The following SGSH variants were observed in gnomAD, a reference collection of about 807,000 sequenced individuals.
SGSH encodes N-sulfoglucosamine sulfohydrolase, also known as heparan sulfate sulfatase.
In SGSH, 48 loss-of-function variants were observed where a neutral mutation model predicts 51.0. The observed-to-expected ratio is 0.94, with a 90% confidence interval of 0.75 to 1.20. The LOEUF (loss-of-function observed/expected upper bound fraction) is 1.20, where lower values mean the gene tolerates loss of function less well. Ranked by LOEUF, SGSH falls within the 50% of genes most tolerant of loss-of-function variation. The pLI, the probability that SGSH is intolerant of heterozygous loss-of-function variation, is 0.00. For synonymous variants in SGSH, 321 were observed against 313.4 expected (o/e 1.02, Z -0.26); for missense variants, 662 against 717.8 (o/e 0.92, Z 0.89).
Position 80,212,837 on chromosome 17 carries a change from T to C in SGSH, c.746-563A>G, listed in dbSNP as rs1157083436. The C allele has an allele frequency of 1.6e-5, 3 of 189,616 alleles. No individual in the cohort carries two copies. Among genetic ancestry groups the C allele is most frequent in the African/African-American group, 7.1e-5 (3 of 42,458 alleles). 11.7% of individuals were successfully genotyped at this position (189,616 alleles called of 1,614,324 possible). On this transcript the variant is annotated intron_variant, in intron 6 of 7. Transcript: ENST00000326317. The surrounding 1 kb of genome is among the most constrained non-coding windows in gnomAD (Gnocchi z 5.9). The stretch of plus-strand genomic sequence containing the variant: ...AAGGGGAACTTCACGAATAAAGATC[T>C]TGGGACAAAATCATCCTGAAGTGCT...
chr17:80,200,816 G>A, the SGSH span: 26 of 154,942 alleles, frequency 1.7e-4, no homozygotes, highest in East Asian at 4.1e-3. Flanking sequence ...GATGGGAGAC[G>A]GTAACAGATC....
Position 80,209,518 on chromosome 17 carries a change from C to T in SGSH, c.*934G>A, listed in dbSNP as rs774032554. ...CAGGAACGGCACATTCTCCCAGCAA[C>T]GCCGACGTCATCCAAGAATTAACCC... On this transcript the variant is annotated 3_prime_UTR_variant, in exon 8 of 8. Coordinates refer to ENST00000326317, the MANE Select transcript of SGSH (RefSeq NM_000199.5). 104 of 985,368 alleles carry T rather than the reference C, an allele frequency of 1.1e-4. No homozygotes were observed. The highest frequency in any genetic ancestry group is 4.3e-4 in the Admixed American group (7 of 16,264). 61.0% of individuals were successfully genotyped at this position (985,368 alleles called of 1,614,324 possible).
Position 80,209,366 on chromosome 17 carries a change from T to G in SGSH, c.*1086A>C, listed in dbSNP as rs1439100390. On this transcript the variant is annotated 3_prime_UTR_variant, in exon 8 of 8. Transcript: ENST00000326317. ...TGGCCTCCTCCAGCCCACCCCAGTA[T>G]GGAGTGATAGGGAGGGAAGGGCAAG... The G allele has an allele frequency of 4.1e-6, 4 of 985,280 alleles. No homozygotes were observed. Among genetic ancestry groups the G allele is most frequent in the African/African-American group, 1.7e-5 (1 of 57,216 alleles). 61.0% of individuals were successfully genotyped at this position (985,280 alleles called of 1,614,324 possible).
At chr17:80,220,067 T>G (rs2042086454) in intron 1 of SGSH, 159 bp downstream of exon 1, 3 of 550,120 alleles carry the variant, frequency 5.5e-6, no homozygotes, top group Admixed American at 3.6e-5. Flanking sequence ...CCGTGAAGAG[T>G]CTGGGGGCGG....
Position 80,209,814 on chromosome 17 carries a change from G to A in SGSH, c.*638C>T, listed in dbSNP as rs557625052. 74 of 987,562 alleles carry A rather than the reference G, an allele frequency of 7.5e-5. No individual in the cohort carries two copies. The highest frequency in any genetic ancestry group is 8.4e-5 in the Non-Finnish European group (70 of 831,486). 61.2% of individuals were successfully genotyped at this position (987,562 alleles called of 1,614,324 possible). ...CCACAGGTTCAAGCTCATCACTCAG[G>A]GAGCCTGCTGCCAATCAGCTGAAAC... On this transcript the variant is annotated 3_prime_UTR_variant, in exon 8 of 8. Coordinates refer to ENST00000326317, the MANE Select transcript of SGSH (RefSeq NM_000199.5).
chr17:80,214,828 TCTGCCCCTCTCGGCCCTAAGCG>T, intron 3 of SGSH, 63 bp from the exon 4 acceptor site: 3 of 1,577,446 alleles, frequency 1.9e-6, no homozygotes, highest in Non-Finnish European at 2.6e-6. Flanking sequence ...TGCTCCCTTC[TCTGCCCCTCTCGGCCCTAAGCG>T]CACTGTGGGT....
intron 1 of SGSH, among the ~76,000 whole-genome samples, chr17:80,218,455 C>T (rs2041976270): frequency 6.6e-6 from 1 of 152,216 alleles, no homozygotes; most frequent in African/African-American, 2.4e-5. Context: ...ACACTGGGGG[C>T]ACCACAGGAG....
chr17:80,211,266 T>C (rs1467797117), intron 7 of SGSH: 7 of 1,115,578 alleles, frequency 6.3e-6, no homozygotes, highest in African/African-American at 1.6e-5. Context: ...AAAAGAAGTC[T>C]CCTTTTTGGT....
the SGSH span, chr17:80,201,365 C>T: frequency 4.8e-5 from 10 of 210,420 alleles, no homozygotes; most frequent in Non-Finnish European, 7.8e-5. The surrounding 1 kb of genome is among the most constrained non-coding windows in gnomAD (Gnocchi z 5.0). Flanking sequence ...CGGTATAGCC[C>T]GCAGCAGCAC....
At chr17:80,208,459 G>T, downstream of SGSH, 1 of 992,670 alleles carries the variant, frequency 1.0e-6, no homozygotes. Flanking sequence ...ACATGAGGCC[G>T]GCTCTCCCCA....
rs1042274627 is a variant in SGSH, at chr17:80,216,929, AC to A, written c.249+102del. On this transcript the variant is annotated intron_variant, in intron 2 of 7. Coordinates refer to ENST00000326317, the MANE Select transcript of SGSH (RefSeq NM_000199.5). ...GGAGGTGGGAGGGAAAGTGGGCAAC[AC>A]CCCCCGGGATCCCAGGGATGGGAGA... 7.1e-5 allele frequency: 83 copies of A among 1,167,002 alleles called. No individual in the cohort carries two copies. In the African/African-American group the frequency reaches 1.0e-3, roughly 14 times the overall value. 72.3% of individuals were successfully genotyped at this position (1,167,002 alleles called of 1,614,324 possible). A position where few individuals can be genotyped will look rare whatever the true frequency, so the allele number is the denominator to read the frequency against.
rs764852930 is a variant in SGSH at position 80,214,715 on chromosome 17, A to T, written c.406T>A (p.Phe136Ile). 2 of 1,613,158 alleles carry T rather than the reference A, an allele frequency of 1.2e-6. No homozygotes were observed. The highest frequency in any genetic ancestry group is 1.7e-5 in the Admixed American group (1 of 60,034). Residue 136 changes from phenylalanine to isoleucine, a missense_variant, in exon 4 of 8, where the codon TTT (phenylalanine) becomes ATT (isoleucine). Physicochemically the swap from Phe to Ile is conservative, Grantham distance 21. Transcript: ENST00000326317. ...VGPETVYPFDFAYTEENGSVL... is the reference protein window; with the variant it reads ...VGPETVYPFDIAYTEENGSVL... The stretch of plus-strand genomic sequence containing the variant: ...GAGCCATTCTCCTCCGTGTACGCAA[A>T]GTCAAACGGGTACACGGTCTCCGGC...
chr17:80,213,971 G>T lies in SGSH; in HGVS notation c.664-86C>A. On this transcript the variant is annotated intron_variant, in intron 5 of 7. Coordinates refer to ENST00000326317, the MANE Select transcript of SGSH (RefSeq NM_000199.5). The surrounding 1 kb of genome is among the most constrained non-coding windows in gnomAD (Gnocchi z 4.6). ...CTTCTCCCCGGGGCCTCCTGCAAAT[G>T]GGTTAGCCCAGAACAGCCTCACTCC... The T allele has an allele frequency of 7.2e-7, 1 of 1,395,982 alleles. No individual in the cohort carries two copies. Among genetic ancestry groups the T allele is most frequent in the Non-Finnish European group, 9.9e-7 (1 of 1,012,164 alleles). 86.5% of individuals were successfully genotyped at this position (1,395,982 alleles called of 1,614,324 possible).
downstream of SGSH, chr17:80,202,538 C>T (rs1378356302): frequency 1.8e-5 from 26 of 1,478,618 alleles, no homozygotes; most frequent in South Asian, 3.2e-4. Context: ...GTGAGACCCC[C>T]CTAAGGAGGG....
Position 80,211,009 on chromosome 17 carries a change from G to A in SGSH, c.952C>T (p.Leu318Phe), listed in dbSNP as rs747197522. The change falls in exon 8 of 8, where the codon CTC becomes TTC. Residue 318 changes from leucine (L) to phenylalanine (F), a missense_variant and splice_region_variant. Leu to Phe is a conservative substitution (Grantham distance 22, BLOSUM62 0). Transcript: ENST00000326317. ...VSEAYVSLLD[L>F]TPTILDWFSI... ...AACCAATCCAAGATGGTGGGCGTGA[G>A]GTCTGGAAGGGACGCGGCATCTCAG... The A allele has an allele frequency of 3.9e-5, 63 of 1,598,322 alleles. No homozygotes were observed. The highest frequency in any genetic ancestry group is 5.1e-5 in the Non-Finnish European group (60 of 1,179,820).
At chr17:80,220,149 C>G in intron 1 of SGSH, 77 bp downstream of exon 1, 1 of 1,098,000 alleles carries the variant, frequency 9.1e-7, no homozygotes, top group Non-Finnish European at 1.3e-6. Flanking sequence ...CAGCATTGAC[C>G]ACGGGTGGGG....
chr17:80,205,133 G>A (rs1310418853), downstream of SGSH: 9 of 1,613,720 alleles, frequency 5.6e-6, no homozygotes, highest in East Asian at 4.5e-5. Flanking sequence ...TGTGCTCCTC[G>A]TGCCCAGGGC....
chr17:80,210,414 G>A lies in SGSH; in HGVS notation c.*38C>T, dbSNP rs2041588638. 6.4e-7 allele frequency: 1 copy of A among 1,553,638 alleles called. No homozygotes were observed. Among genetic ancestry groups the A allele is most frequent in the Admixed American group, 1.8e-5 (1 of 55,778 alleles). On this transcript the variant is annotated 3_prime_UTR_variant, in exon 8 of 8. Transcript: ENST00000326317. ...ACGGACACGTGTGGGATGTGTCTGG[G>A]ACATGCCTGGGATGTGTGCACAGGC...
chr17:80,205,955 C>T (rs564718690), downstream of SGSH: 7 of 244,346 alleles, frequency 2.9e-5, no homozygotes, highest in Admixed American at 1.0e-4. Flanking sequence ...CGTTTGAAGG[C>T]GCAAACGCGT....
Sources: allele counts gnomAD v4.1 joint callset (sites outside exome capture counted in the v4.1 genomes callset), GRCh38; gene constraint gnomAD v4.1.1; non-coding constraint Gnocchi (gnomAD v3.1); transcripts MANE v1.5; gene names NCBI Gene and HGNC (gene_info 2026-07-23, HGNC 2026-07-21).